TAFA2: variants seen among roughly 807,000 people sequenced by gnomAD.
TAFA2 encodes TAFA chemokine like family member 2.
A neutral mutation model predicts 18.8 loss-of-function variants in TAFA2; 7 were observed. The observed-to-expected ratio is 0.37, with a 90% CI of 0.21 to 0.70. The LOEUF (loss-of-function observed/expected upper bound fraction) is 0.70, where lower values mean the gene tolerates loss of function less well. Ranked by LOEUF, TAFA2 falls within the 30% of genes least tolerant of loss-of-function variation. TAFA2 has a pLI of 0.53. For synonymous variants in TAFA2, 60 were observed against 54.2 expected (o/e 1.11, Z -0.47); for missense variants, 122 against 158.1 (o/e 0.77, Z 1.23).
intron 1 of TAFA2, among the ~76,000 whole-genome samples, chr12:62,206,684 T>C (rs1177075231): frequency 6.6e-6 from 1 of 152,122 alleles, no homozygotes; most frequent in Non-Finnish European, 1.5e-5. Flanking sequence ...CTCACTGTTA[T>C]CCAGGCTGGT....
chr12:62,074,559 A>C (rs1347559331), intron 1 of TAFA2, among the ~76,000 whole-genome samples: 1 of 152,092 alleles, frequency 6.6e-6, no homozygotes, highest in Non-Finnish European at 1.5e-5. Flanking sequence ...AATGCCATAA[A>C]ATTAAGAAAG....
intron 1 of TAFA2, among the ~76,000 whole-genome samples, chr12:61,871,386 T>C (rs1432198275): frequency 6.6e-6 from 1 of 152,154 alleles, no homozygotes; most frequent in East Asian, 1.9e-4. Context: ...CAGGTCTCAG[T>C]ATAAAATTTC....
At chr12:62,043,626 TA>T (rs903308712) in intron 1 of TAFA2, among the ~76,000 whole-genome samples, 5 of 151,924 alleles carry the variant, frequency 3.3e-5, no homozygotes, top group East Asian at 1.9e-4. Context: ...TAATAAAATT[TA>T]AAAAAAAGAA....
intron 1 of TAFA2, among the ~76,000 whole-genome samples, chr12:62,170,929 A>G (rs2062473598): frequency 6.6e-6 from 1 of 152,132 alleles, no homozygotes; most frequent in African/African-American, 2.4e-5. Context: ...TGTAGTCACA[A>G]TTTTTAAAAC....
At chr12:61,784,728 T>C (rs1011833832) in intron 2 of TAFA2, among the ~76,000 whole-genome samples, 1 of 151,568 alleles carries the variant, frequency 6.6e-6, no homozygotes, top group Non-Finnish European at 1.5e-5. Flanking sequence ...ATTTCAAATT[T>C]ACGTTACATA....
intron 2 of TAFA2, among the ~76,000 whole-genome samples, chr12:61,768,073 C>A (rs1869865047): frequency 6.6e-6 from 1 of 152,100 alleles, no homozygotes; most frequent in African/African-American, 2.4e-5. Flanking sequence ...ACTGCCTAGT[C>A]ATTCACACAT....
chr12:61,930,155 TA>T (rs1004048184), intron 1 of TAFA2, among the ~76,000 whole-genome samples: 5 of 151,072 alleles, frequency 3.3e-5, no homozygotes, highest in African/African-American at 1.2e-4. Flanking sequence ...TTAATAATAA[TA>T]AAAAAATAAA....
intron 1 of TAFA2, among the ~76,000 whole-genome samples, chr12:62,148,985 T>C (rs981107847): frequency 6.6e-6 from 1 of 152,232 alleles, no homozygotes; most frequent in Non-Finnish European, 1.5e-5. Flanking sequence ...ATTATAATCT[T>C]AGGTTCACCT....
At chr12:62,136,576 G>C (rs1355892603) in intron 1 of TAFA2, among the ~76,000 whole-genome samples, 1 of 152,144 alleles carries the variant, frequency 6.6e-6, no homozygotes, top group Non-Finnish European at 1.5e-5. Flanking sequence ...TAAGCATAAG[G>C]TATAAAGACA....
intron 1 of TAFA2, among the ~76,000 whole-genome samples, chr12:62,173,364 A>G (rs1013931026): frequency 1.4e-4 from 22 of 152,260 alleles, no homozygotes; most frequent in African/African-American, 5.3e-4. Context: ...GTGAGCCAAG[A>G]TCACACCACT....
chr12:61,726,784 G>T (rs1870188442), intron 4 of TAFA2, among the ~76,000 whole-genome samples: 1 of 152,008 alleles, frequency 6.6e-6, no homozygotes, highest in Non-Finnish European at 1.5e-5. Context: ...GGTGAAAGTG[G>T]ACATCCTTGT....
chr12:62,095,743 CAT>C (rs1404050680), intron 1 of TAFA2, among the ~76,000 whole-genome samples: 1 of 152,096 alleles, frequency 6.6e-6, no homozygotes, highest in Non-Finnish European at 1.5e-5. Flanking sequence ...TTGTTAGTCT[CAT>C]GTGTAGGCTT....
intron 1 of TAFA2, among the ~76,000 whole-genome samples, chr12:62,116,944 C>T (rs1420251145): frequency 1.3e-5 from 2 of 152,052 alleles, no homozygotes; most frequent in Admixed American, 6.6e-5. Context: ...CCTAATCCAC[C>T]ATGACTGGTA....
chr12:62,121,784 C>T (rs1285216287), intron 1 of TAFA2, among the ~76,000 whole-genome samples: 1 of 152,096 alleles, frequency 6.6e-6, no homozygotes, highest in African/African-American at 2.4e-5. Flanking sequence ...TAGACATAAC[C>T]CCTGTTCTCA....
intron 1 of TAFA2, among the ~76,000 whole-genome samples, chr12:61,943,357 A>T (rs1318244830): frequency 2.6e-5 from 4 of 151,466 alleles, no homozygotes; most frequent in Admixed American, 2.6e-4. Context: ...TCATGCCAAA[A>T]TGTAAAGATC....
At chr12:61,880,923 C>T (rs1008215430) in intron 1 of TAFA2, among the ~76,000 whole-genome samples, 1 of 152,028 alleles carries the variant, frequency 6.6e-6, no homozygotes, top group African/African-American at 2.4e-5. Flanking sequence ...AGTTTACTGC[C>T]GGGGGACCCC....
At chr12:61,713,306 T>C (rs7397342) in intron 4 of TAFA2, among the ~76,000 whole-genome samples, 45,718 of 152,056 alleles carry the variant, frequency 0.3, 7,006 homozygotes, top group Non-Finnish European at 0.33. Flanking sequence ...TATGTCACTT[T>C]CCTTTTTCCG....
At position 61,708,374 on chromosome 12, in the gene TAFA2, C is replaced by A. The variant is rs1869239104; in HGVS notation, c.*2032G>T. ...ATATTTGAAATTCCATGTTTTTTTT[C>A]TATTATATGCATGTATTACACTTGT... On this transcript the variant is annotated 3_prime_UTR_variant, in exon 5 of 5. Coordinates refer to ENST00000416284, the MANE Select transcript of TAFA2 (RefSeq NM_178539.5). The A allele has an allele frequency of 6.6e-6, 1 of 151,754 alleles. No individual in the cohort carries two copies. Among genetic ancestry groups the A allele is most frequent in the African/African-American group, 2.4e-5 (1 of 41,418 alleles). The allele number at this position is 151,754 out of a possible 1,614,324, so 9.4% of individuals were successfully genotyped here.
At chr12:61,750,871 C>A (rs567222457) in intron 4 of TAFA2, among the ~76,000 whole-genome samples, 14 of 152,214 alleles carry the variant, frequency 9.2e-5, no homozygotes, top group Non-Finnish European at 1.5e-5. Context: ...TGAGACAGCT[C>A]TTGAGTTATT....
Sources: gnomAD v4.1 joint callset for allele counts (sites outside exome capture counted in the v4.1 genomes callset) on GRCh38, gnomAD v4.1.1 for gene constraint, MANE v1.5 for transcripts, NCBI Gene and HGNC (gene_info 2026-07-23, HGNC 2026-07-21) for gene names.